ATM: variants seen among roughly 807,000 people sequenced by gnomAD.
ATM encodes ATM serine/threonine kinase, also known as serine-protein kinase ATM.
ATM carries 308 observed loss-of-function variants against 387.0 expected under a neutral mutation model. That is an observed-to-expected ratio of 0.80 (90% confidence interval 0.73 to 0.87). ATM has a LOEUF of 0.87. ATM is among the 40% of genes least tolerant of loss of function. ATM has a pLI of 0.00. For synonymous variants in ATM, 1,156 were observed against 1,187.3 expected (o/e 0.97, Z 0.54); for missense variants, 3,312 against 3,560.9 (o/e 0.93, Z 1.78).
intron 29 of ATM, among the ~76,000 whole-genome samples, chr11:108,291,050 A>G (rs2082764174): frequency 6.6e-6 from 1 of 152,058 alleles, no homozygotes; most frequent in African/African-American, 2.4e-5. Context: ...CCTGGCTAAC[A>G]CAGTGAAACC....
rs1361261201 is a variant in ATM at position 108,331,425 on chromosome 11, G to GAA, written c.7516-19_7516-18insAA. ...GAAATACCTTGTTTCTTAATTTTGT[G>GAA]TCTTTTTTTTAATGGTAGAGAGACG... On this transcript the variant is annotated intron_variant, in intron 50 of 62. Coordinates refer to ENST00000675843, the MANE Select transcript of ATM (RefSeq NM_000051.4). The GAA allele has an allele frequency of 3.1e-6, 5 of 1,607,644 alleles. No individual in the cohort carries two copies. In the African/African-American group the frequency reaches 4.0e-5, roughly 13 times the overall value.
intron 23 of ATM, 54 bp from the exon 24 acceptor site, chr11:108,280,941 G>T: frequency 6.6e-7 from 1 of 1,508,788 alleles, no homozygotes; most frequent in Non-Finnish European, 9.1e-7. Flanking sequence ...TTTTATAATT[G>T]ATTGTTAAAC....
intron 50 of ATM, among the ~76,000 whole-genome samples, chr11:108,330,699 A>G (rs891677851): frequency 1.3e-5 from 2 of 152,198 alleles, no homozygotes; most frequent in East Asian, 1.9e-4. Flanking sequence ...GCTTGGTCCT[A>G]TGTCTTTGCA....
intron 56 of ATM, among the ~76,000 whole-genome samples, chr11:108,340,938 G>T (rs2087485485): frequency 6.6e-6 from 1 of 152,048 alleles, no homozygotes; most frequent in Non-Finnish European, 1.5e-5. Flanking sequence ...TTTTATTGAG[G>T]TTTTTTTGGT....
chr11:108,357,822 A>G (rs1352630164), intron 61 of ATM, among the ~76,000 whole-genome samples: 1 of 151,932 alleles, frequency 6.6e-6, no homozygotes, highest in Non-Finnish European at 1.5e-5. Context: ...GACCAAAAGT[A>G]GATAAAACCA....
At position 108,286,202 on chromosome 11, in the gene ATM, G is replaced by GT. The variant is rs547647914; in HGVS notation, c.3994-1395dup. Among the ~76,000 whole-genome samples the GT allele has an allele frequency of 2.1e-3, 306 of 148,710 alleles. 1 individual carries two copies. Among genetic ancestry groups the GT allele is most frequent in the African/African-American group, 7.1e-3 (287 of 40,476 alleles). ...GTGGTGTGTGCCTGTAATCCCAGCT[G>GT]TTTGGGAAGCTGAGTCAGGAGAATC... On this transcript the variant is annotated intron_variant, in intron 26 of 62. Transcript: ENST00000675843.
chr11:108,286,564 T>C (rs1347088458), intron 26 of ATM, among the ~76,000 whole-genome samples: 1 of 152,112 alleles, frequency 6.6e-6, no homozygotes, highest in African/African-American at 2.4e-5. Flanking sequence ...ATCAGTCTGA[T>C]TGGTTATAGG....
chr11:108,351,582 T>C (rs907163336), intron 59 of ATM, among the ~76,000 whole-genome samples: 1 of 152,202 alleles, frequency 6.6e-6, no homozygotes, highest in Admixed American at 6.5e-5. Context: ...AGTTCATGAT[T>C]GCTTCTTCAC....
Position 108,343,455 on chromosome 11 carries a change from C to CA in ATM, c.8418+91dup, listed in dbSNP as rs923031156. ...GACAGCTGTCAGATATTATAGAATACAAAAAAACTTTAATTTCATCAGGTA... is the reference window on the plus strand; with the variant it reads ...GACAGCTGTCAGATATTATAGAATACAAAAAAAACTTTAATTTCATCAGGTA... On this transcript the variant is annotated intron_variant, in intron 57 of 62. Coordinates refer to ENST00000675843, the MANE Select transcript of ATM (RefSeq NM_000051.4). The CA allele has an allele frequency of 1.2e-4, 180 of 1,520,534 alleles. No individual in the cohort carries two copies. In the African/African-American group the frequency reaches 2.2e-3, roughly 18 times the overall value. The allele number at this position is 1,520,534 out of a possible 1,614,324, so 94.2% of individuals were successfully genotyped here.
At chr11:108,288,105 T>A (rs2082592999) in intron 27 of ATM, among the ~76,000 whole-genome samples, 2 of 152,070 alleles carry the variant, frequency 1.3e-5, no homozygotes, top group African/African-American at 4.8e-5. Context: ...AGTCTCACTC[T>A]GTTGCCCTGG....
chr11:108,342,308 CTG>C (rs1244541883), intron 56 of ATM, among the ~76,000 whole-genome samples: 2 of 152,096 alleles, frequency 1.3e-5, no homozygotes, highest in Non-Finnish European at 2.9e-5. Flanking sequence ...GATTGGATAA[CTG>C]TTGTATTTAT....
Position 108,251,956 on chromosome 11 carries a change from T to C in ATM, c.1727T>C (p.Ile576Thr), listed in dbSNP as rs730881342. 8.1e-5 allele frequency: 130 copies of C among 1,613,768 alleles called. No homozygotes were observed. The highest frequency in any genetic ancestry group is 7.6e-5 in the Non-Finnish European group (90 of 1,179,780). ...AGAAGCTTTTCTTTAAAGGAATCAATAATGAAATGGCTCTTATTCTATCAG... is the reference window on the plus strand; with the variant it reads ...AGAAGCTTTTCTTTAAAGGAATCAACAATGAAATGGCTCTTATTCTATCAG... ...VNRSFSLKES[I>T]MKWLLFYQLE... Residue 576 changes from isoleucine to threonine, a missense_variant, in exon 11 of 63, where the codon ATA becomes ACA. By Grantham distance (89) the Ile-to-Thr change is moderately conservative. Transcript: ENST00000675843.
chr11:108,336,334 C>T (rs1456501866), intron 56 of ATM: 1 of 186,330 alleles, frequency 5.4e-6, no homozygotes, highest in Non-Finnish European at 1.1e-5. Context: ...AAGAAGATGC[C>T]ATTATTTGGA....
chr11:108,281,168 G>A lies in ATM; in HGVS notation c.3576G>A (p.Lys1192=), dbSNP rs587776551. The change falls in exon 24 of 63, where the codon AAG becomes AAA. Residue 1192 remains lysine, a splice_region_variant and synonymous_variant. Coordinates refer to ENST00000675843, the MANE Select transcript of ATM (RefSeq NM_000051.4). ...GATTAGAACCTCACCTTGTGAAAAA[G>A]GTATATATGGATGAGTATTTTATTA... ...ENGLEPHLVK[K]VLEKVSETFG... 4 of 1,613,208 alleles carry A rather than the reference G, an allele frequency of 2.5e-6. No homozygotes were observed. Among genetic ancestry groups the A allele is most frequent in the South Asian group, 1.1e-5 (1 of 91,046 alleles).
rs887944555 is a variant in ATM, at chr11:108,253,924, G to T, written c.2009G>T (p.Gly670Val). The change falls in exon 13 of 63, where the codon GGT becomes GTT. Residue 670 changes from glycine to valine, a missense_variant. Coordinates refer to ENST00000675843, the MANE Select transcript of ATM (RefSeq NM_000051.4). ...TTTTTAACCATTGTGAGAGAATGTG[G>T]TATAGAAAAGCACCAGTCCAGTATT... Reference protein sequence around the residue: ...MDFLTIVRECGIEKHQSSIGF... With the variant: ...MDFLTIVRECVIEKHQSSIGF... The T allele has an allele frequency of 6.2e-7, 1 of 1,614,024 alleles. No individual in the cohort carries two copies. Among genetic ancestry groups the T allele is most frequent in the Non-Finnish European group, 8.5e-7 (1 of 1,179,960 alleles).
At chr11:108,276,377 A>G (rs967230732) in intron 22 of ATM, among the ~76,000 whole-genome samples, 1 of 152,130 alleles carries the variant, frequency 6.6e-6, no homozygotes, top group Non-Finnish European at 1.5e-5. Flanking sequence ...CGTCAAACTC[A>G]TTCTCCGTCC....
chr11:108,339,895 T>A (rs925357411), intron 56 of ATM, among the ~76,000 whole-genome samples: 2 of 152,110 alleles, frequency 1.3e-5, no homozygotes, highest in African/African-American at 4.8e-5. Context: ...AGAATACTTA[T>A]TAGGCAGGAA....
intron 11 of ATM, 76 bp from the exon 12 acceptor site, chr11:108,252,741 C>T (rs2080222196): frequency 1.0e-6 from 1 of 998,582 alleles, no homozygotes. Context: ...TATAGCTAAA[C>T]ATGGATGTTA....
At chr11:108,241,016 T>C (rs1248461666) in intron 5 of ATM, among the ~76,000 whole-genome samples, 1 of 152,198 alleles carries the variant, frequency 6.6e-6, no homozygotes, top group East Asian at 1.9e-4. Flanking sequence ...TTTCTTTTGT[T>C]CTATAAGCTT....
Sources: gnomAD v4.1 joint callset for allele counts (sites outside exome capture counted in the v4.1 genomes callset) on GRCh38, gnomAD v4.1.1 for gene constraint, MANE v1.5 for transcripts, NCBI Gene and HGNC (gene_info 2026-07-23, HGNC 2026-07-21) for gene names.